Variants in SATB2 observed in about 807,000 individuals in gnomAD.
SATB2 encodes the protein DNA-binding protein SATB2.
A neutral mutation model predicts 73.4 loss-of-function variants in SATB2; 1 was observed. The ratio of observed to expected loss-of-function variants is 0.01; its 90% CI spans 0.00 to 0.06. The LOEUF is 0.06. Among genes scored for constraint, SATB2 ranks in the 10% least tolerant of loss-of-function variants. The probability of loss-of-function intolerance (pLI) is 1.00; values close to 1 mark genes in which losing one functional copy is unlikely to be tolerated. For missense variants in SATB2, 459 were observed against 945.8 expected, an observed-to-expected ratio of 0.49 and a Z score of 6.75; for synonymous variants, 397 against 367.0, an observed-to-expected ratio of 1.08 and a Z score of -0.93.
chr2:199,368,744 G>A (rs1372056463), intron 5 of SATB2, 37 bp from the exon 6 acceptor site: 1 of 1,243,220 alleles, frequency 8.0e-7, no homozygotes, highest in Non-Finnish European at 1.2e-6. Context: ...TTCAAAATAT[G>A]ACTACTTCTT....
intron 3 of SATB2, among the ~76,000 whole-genome samples, chr2:199,382,336 C>T (rs1206499141): frequency 1.3e-5 from 2 of 152,128 alleles, no homozygotes; most frequent in Non-Finnish European, 2.9e-5. Flanking sequence ...CCCATATCTG[C>T]GTTTCAGCAG....
intron 1 of SATB2, among the ~76,000 whole-genome samples, chr2:199,456,969 G>C (rs1692297148): frequency 1.4e-5 from 2 of 141,294 alleles, no homozygotes; most frequent in African/African-American, 5.1e-5. Flanking sequence ...CCCTGGATTG[G>C]GGGGGTGGGG....
chr2:199,386,748 ACACACACACACAC>A (rs1689972245), intron 3 of SATB2, among the ~76,000 whole-genome samples: 2 of 147,478 alleles, frequency 1.4e-5, no homozygotes, highest in Non-Finnish European at 3.0e-5. Context: ...ACACACACAC[ACACACACACACAC>A]ACACACCTTT....
Position 199,271,891 on chromosome 2 carries a change from A to G in SATB2, c.*320T>C, listed in dbSNP as rs1235230444. 2.6e-6 allele frequency: 1 copy of G among 391,822 alleles called. No individual in the cohort carries two copies. Among genetic ancestry groups the G allele is most frequent in the South Asian group, 2.4e-5 (1 of 42,258 alleles). 24.3% of individuals were successfully genotyped at this position (391,822 alleles called of 1,614,324 possible). A position where few individuals can be genotyped will look rare whatever the true frequency, so the allele number is the denominator to read the frequency against. On this transcript the variant is annotated 3_prime_UTR_variant, in exon 11 of 11. Coordinates refer to ENST00000417098, the MANE Select transcript of SATB2 (RefSeq NM_001172509.2). ...CCTGATGTAACTTCCGTTAAGTGCA[A>G]GGATAATGAAGGCAGAGTCTCCTGT...
intron 3 of SATB2, among the ~76,000 whole-genome samples, chr2:199,385,560 CT>C (rs1335812832): frequency 6.6e-6 from 1 of 152,174 alleles, no homozygotes; most frequent in Non-Finnish European, 1.5e-5. Flanking sequence ...TTCTTTACCC[CT>C]GAATATCTAG....
At chr2:199,339,796 A>G (rs1688451645) in intron 7 of SATB2, among the ~76,000 whole-genome samples, 1 of 152,236 alleles carries the variant, frequency 6.6e-6, no homozygotes, top group South Asian at 2.1e-4. Flanking sequence ...CCTTTGGCTA[A>G]CAATATGTAT....
At position 199,272,601 on chromosome 2, in the gene SATB2, A is replaced by G. The variant is rs769807233; in HGVS notation, c.1812T>C (p.Pro604=). Residue 604 remains proline (P), a synonymous_variant, in exon 11 of 11, where the codon CCT becomes CCC. Coordinates refer to ENST00000417098, the MANE Select transcript of SATB2 (RefSeq NM_001172509.2). This position sits in a 1 kb window ranked among gnomAD's most constrained non-coding sequence, Gnocchi z 6.7. ...TGGCACAACTGTCTTCAGTCGGAGG[A>G]GGTGGGGGAGGCGCTTCTTCTCTGG... is the stretch of plus-strand genomic sequence containing the variant. ...SPPREEAPPP[P]PPTEDSCAKK... 2 of 1,613,854 alleles carry G rather than the reference A, an allele frequency of 1.2e-6. No individual in the cohort carries two copies. Among genetic ancestry groups the G allele is most frequent in the Non-Finnish European group, 1.7e-6 (2 of 1,179,960 alleles).
At chr2:199,390,919 G>T (rs1174413025) in intron 3 of SATB2, among the ~76,000 whole-genome samples, 1 of 151,968 alleles carries the variant, frequency 6.6e-6, no homozygotes, top group African/African-American at 2.4e-5. Flanking sequence ...CTAATCTTAG[G>T]GGCAATATTA....
intron 2 of SATB2, among the ~76,000 whole-genome samples, chr2:199,451,972 C>T (rs948458680): frequency 6.6e-6 from 1 of 151,784 alleles, no homozygotes; most frequent in African/African-American, 2.4e-5. Context: ...AGTATGCCAA[C>T]AAAATTAAAT....
intron 2 of SATB2, among the ~76,000 whole-genome samples, chr2:199,453,668 T>C (rs978535814): frequency 2.6e-5 from 4 of 152,050 alleles, no homozygotes; most frequent in African/African-American, 7.2e-5. Flanking sequence ...ACTATTAACA[T>C]CTTAACATAC....
intron 3 of SATB2, among the ~76,000 whole-genome samples, chr2:199,416,107 C>T (rs545725010): frequency 6.6e-6 from 1 of 152,180 alleles, no homozygotes; most frequent in Non-Finnish European, 1.5e-5. Flanking sequence ...TACATTATTT[C>T]GCACAAGGAC....
intron 9 of SATB2, among the ~76,000 whole-genome samples, chr2:199,318,527 C>G (rs1178898073): frequency 6.6e-6 from 1 of 151,980 alleles, no homozygotes; most frequent in Non-Finnish European, 1.5e-5. Flanking sequence ...AGGACATAAA[C>G]ATACACATAT....
intron 5 of SATB2, among the ~76,000 whole-genome samples, chr2:199,372,725 T>A (rs1689486671): frequency 6.6e-6 from 1 of 152,114 alleles, no homozygotes. Flanking sequence ...CAGCTGATGC[T>A]GCAACCAATA....
At chr2:199,438,031 C>T (rs1006692896) in intron 2 of SATB2, among the ~76,000 whole-genome samples, 1 of 152,068 alleles carries the variant, frequency 6.6e-6, no homozygotes, top group Non-Finnish European at 1.5e-5. Flanking sequence ...CAATTGAGTA[C>T]TTGAAACATA....
intron 10 of SATB2, among the ~76,000 whole-genome samples, chr2:199,301,298 C>T (rs1478114785): frequency 6.6e-6 from 1 of 152,090 alleles, no homozygotes; most frequent in Non-Finnish European, 1.5e-5. Flanking sequence ...ATGAATCTCT[C>T]TTGATAATGA....
At chr2:199,352,763 G>A (rs190920487) in intron 6 of SATB2, among the ~76,000 whole-genome samples, 5 of 152,264 alleles carry the variant, frequency 3.3e-5, no homozygotes, top group Admixed American at 2.6e-4. Context: ...GCCAGTTTCT[G>A]TCTTTCTTAT....
At chr2:199,426,733 A>G (rs1691346426) in intron 3 of SATB2, among the ~76,000 whole-genome samples, 1 of 151,566 alleles carries the variant, frequency 6.6e-6, no homozygotes, top group South Asian at 2.1e-4. Flanking sequence ...AAAAAGAAAG[A>G]AAGAAAAAGA....
At chr2:199,393,955 T>C (rs1230342660) in intron 3 of SATB2, among the ~76,000 whole-genome samples, 1 of 152,170 alleles carries the variant, frequency 6.6e-6, no homozygotes. Context: ...CACTTCTTCC[T>C]AAAATAACAA....
rs147612434 is a variant in SATB2 at position 199,358,868 on chromosome 2, C to T, written c.701-9695G>A. ...ATTATCTACCTTTCTTAGTCTCCAC[C>T]CTCTGTACCAGAACACTATTGTCCC... On this transcript the variant is annotated intron_variant, in intron 6 of 10. Transcript: ENST00000417098. Among the ~76,000 whole-genome samples the T allele has an allele frequency of 3.6e-3, 548 of 152,274 alleles. 5 individuals are homozygous for T. The highest frequency in any genetic ancestry group is 0.013 in the African/African-American group (525 of 41,578).
Sources: gnomAD v4.1 joint callset for allele counts (sites outside exome capture counted in the v4.1 genomes callset) on GRCh38, gnomAD v4.1.1 for gene constraint, Gnocchi (gnomAD v3.1) non-coding constraint, MANE v1.5 for transcripts, NCBI Gene and HGNC (gene_info 2026-07-23, HGNC 2026-07-21) for gene names.